The following SPATA22 variants were observed in gnomAD, a reference collection of about 807,000 sequenced individuals.
SPATA22 encodes the protein spermatogenesis-associated protein 22.
A neutral mutation model predicts 47.8 loss-of-function variants in SPATA22; 29 were observed. That is an observed-to-expected ratio of 0.61 (90% CI 0.45 to 0.83). SPATA22 has a LOEUF of 0.83. Ranked by LOEUF, SPATA22 falls within the 40% of genes least tolerant of loss-of-function variation. The probability of loss-of-function intolerance (pLI) is 0.00; values close to 1 mark genes in which losing one functional copy is unlikely to be tolerated. For missense variants in SPATA22, 410 were observed against 421.7 expected (o/e 0.97, Z 0.24); for synonymous variants, 133 against 140.9 (o/e 0.94, Z 0.40).
chr17:3,446,687 T>C, intron 6 of SPATA22, 86 bp from the exon 7 acceptor site: 1 of 1,090,770 alleles, frequency 9.2e-7, no homozygotes, highest in South Asian at 1.8e-5. Context: ...AAATTCTAAG[T>C]CCTTACAATG....
chr17:3,469,557 C>T (rs1315851719), intron 1 of SPATA22, among the ~76,000 whole-genome samples, 159 bp from the exon 2 acceptor site: 1 of 152,222 alleles, frequency 6.6e-6, no homozygotes, highest in Non-Finnish European at 1.5e-5. Context: ...CCATAATCCA[C>T]TTTTCCAACC....
chr17:3,496,648 T>C (rs1171128668), intron 1 of SPATA22, among the ~76,000 whole-genome samples: 1 of 152,168 alleles, frequency 6.6e-6, no homozygotes, highest in Non-Finnish European at 1.5e-5. Context: ...TGACAGTTCT[T>C]ACTAAGGGAT....
chr17:3,500,147 G>T (rs1190701104), intron 1 of SPATA22: 5 of 152,264 alleles, frequency 3.3e-5, no homozygotes, highest in Admixed American at 3.3e-4. Context: ...TGAGGAAGCT[G>T]CAGGAAGCTG....
Position 3,440,151 on chromosome 17 carries a change from G to A in SPATA22, c.1088C>T (p.Thr363Ile). The A allele has an allele frequency of 3.9e-6, 6 of 1,540,210 alleles. No individual in the cohort carries two copies. The highest frequency in any genetic ancestry group is 5.3e-6 in the Non-Finnish European group (6 of 1,141,540). ...TAAACTTCCTTTTATCACTACTTAA[G>A]TTTCATTCATCACATTAATATAATA... ...MQYYINVMNE[T>I] The change falls in exon 9 of 9, where the codon ACT becomes ATT. Residue 363 changes from threonine (T) to isoleucine (I), a missense_variant. Transcript: ENST00000572969.
chr17:3,455,007 T>C (rs2072952635), intron 5 of SPATA22, among the ~76,000 whole-genome samples: 2 of 151,986 alleles, frequency 1.3e-5, no homozygotes, highest in Non-Finnish European at 1.5e-5. Flanking sequence ...TGGTGTGAGA[T>C]GGTATCTCAT....
chr17:3,509,180 G>C (rs2074078557), intron 1 of SPATA22, among the ~76,000 whole-genome samples: 1 of 151,736 alleles, frequency 6.6e-6, no homozygotes, highest in African/African-American at 2.4e-5. Context: ...GATGGATAGA[G>C]CCCTCATTTT....
intron 1 of SPATA22, among the ~76,000 whole-genome samples, chr17:3,507,953 C>T (rs1197424883): frequency 6.6e-6 from 1 of 152,178 alleles, no homozygotes; most frequent in Admixed American, 6.5e-5. Context: ...ATGGCACATT[C>T]CTAGGTTTTG....
At chr17:3,458,800 C>T (rs8074802) in intron 5 of SPATA22, among the ~76,000 whole-genome samples, 34,454 of 137,638 alleles carry the variant, frequency 0.25, 4,302 homozygotes, top group East Asian at 0.46. Context: ...AAGACCACAC[C>T]ATTGCACTCA....
intron 1 of SPATA22, among the ~76,000 whole-genome samples, chr17:3,479,461 A>C (rs377720872): frequency 2.6e-5 from 4 of 152,232 alleles, no homozygotes; most frequent in Admixed American, 1.3e-4. Flanking sequence ...TAAACAAATA[A>C]GGGTTTCTTG....
At chr17:3,447,960 T>A (rs557330566) in intron 6 of SPATA22, among the ~76,000 whole-genome samples, 34 of 152,188 alleles carry the variant, frequency 2.2e-4, no homozygotes, top group African/African-American at 7.5e-4. Flanking sequence ...AGGTGAAGAA[T>A]CAAGTGGGCC....
In SPATA22 at chr17:3,451,708, G is replaced by T. The variant is rs1386921196; in HGVS notation, c.330-2559C>A. ...TTACGTCTGTAATCCCAGCACTTTGGGAGGCCGAGGTGGGCGGATCACAAG... is the reference window on the plus strand; with the variant it reads ...TTACGTCTGTAATCCCAGCACTTTGTGAGGCCGAGGTGGGCGGATCACAAG... On this transcript the variant is annotated intron_variant, in intron 5 of 8. Coordinates refer to ENST00000572969, the MANE Select transcript of SPATA22 (RefSeq NM_001170698.2). Among the ~76,000 whole-genome samples, 5 of 152,098 alleles carry T rather than the reference G, an allele frequency of 3.3e-5. No homozygotes were observed. The East Asian group carries it at 9.6e-4, about 29-fold the overall frequency.
At chr17:3,505,530 C>T (rs1210305899) in intron 1 of SPATA22, among the ~76,000 whole-genome samples, 1 of 152,062 alleles carries the variant, frequency 6.6e-6, no homozygotes, top group African/African-American at 2.4e-5. Flanking sequence ...GAACCACATA[C>T]AGGCAGTGCT....
At chr17:3,499,250 T>A (rs559875524) in intron 1 of SPATA22, 2 of 579,812 alleles carry the variant, frequency 3.4e-6, no homozygotes, top group Non-Finnish European at 5.8e-6. Context: ...AATTAATATA[T>A]CTTTAAAGAT....
intron 5 of SPATA22, among the ~76,000 whole-genome samples, chr17:3,457,001 C>T (rs554536429): frequency 2.6e-5 from 4 of 151,944 alleles, no homozygotes; most frequent in Non-Finnish European, 2.9e-5. Flanking sequence ...TTCAACAACC[C>T]TTCATGCTAA....
At position 3,509,373 on chromosome 17, in the gene SPATA22, G is replaced by A. The variant is rs539213586; in HGVS notation, c.-74+4039C>T. ...GTTGTTCCCGTCTCTGTGTCCATATGTTCTCAATGTTCAATTCCACTTATG... is the reference window on the plus strand; with the variant it reads ...GTTGTTCCCGTCTCTGTGTCCATATATTCTCAATGTTCAATTCCACTTATG... On this transcript the variant is annotated intron_variant, in intron 1 of 8. Coordinates refer to the SPATA22 transcript ENST00000541913. 4.6e-5 allele frequency among the ~76,000 whole-genome samples: 7 copies of A among 152,044 alleles called. No homozygotes were observed. In the East Asian group the frequency reaches 1.4e-3, roughly 29 times the overall value.
chr17:3,463,281 G>A (rs1235885603), intron 3 of SPATA22, among the ~76,000 whole-genome samples: 1 of 152,164 alleles, frequency 6.6e-6, no homozygotes, highest in African/African-American at 2.4e-5. Context: ...AGGTGAGTTT[G>A]TTGTGCAAAC....
chr17:3,478,641 C>T (rs904645781), intron 1 of SPATA22, among the ~76,000 whole-genome samples: 2 of 152,192 alleles, frequency 1.3e-5, no homozygotes, highest in Non-Finnish European at 1.5e-5. Context: ...TTTCAGTGAG[C>T]ACAGTCTTTT....
intron 1 of SPATA22, among the ~76,000 whole-genome samples, chr17:3,509,186 AT>A (rs796964690): frequency 7.3e-5 from 11 of 150,656 alleles, no homozygotes; most frequent in African/African-American, 2.7e-4. Flanking sequence ...TAGAGCCCTC[AT>A]TTTTTTTATT....
At chr17:3,495,633 A>G (rs1367383465) in intron 1 of SPATA22, among the ~76,000 whole-genome samples, 2 of 152,132 alleles carry the variant, frequency 1.3e-5, no homozygotes, top group African/African-American at 2.4e-5. Context: ...CAGTGGTGCA[A>G]TCTCAGCTCA....
Sources: allele counts gnomAD v4.1 joint callset (sites outside exome capture counted in the v4.1 genomes callset), GRCh38; gene constraint gnomAD v4.1.1; transcripts MANE v1.5; gene names NCBI Gene and HGNC (gene_info 2026-07-23, HGNC 2026-07-21).